KHDC1: variants seen among roughly 807,000 people sequenced by gnomAD.
KHDC1 encodes KH homology domain-containing protein 1.
In KHDC1, 21 loss-of-function variants were observed where a neutral mutation model predicts 24.7. The observed-to-expected ratio is 0.85, with a 90% CI of 0.60 to 1.23. The LOEUF is 1.23. Ranked by LOEUF, KHDC1 falls within the 50% of genes most tolerant of loss-of-function variation. The pLI is 0.00. For synonymous variants in KHDC1, 98 were observed against 111.7 expected, an observed-to-expected ratio of 0.88 and a Z score of 0.77; for missense variants, 274 against 298.5, an observed-to-expected ratio of 0.92 and a Z score of 0.61.
At chr6:73,290,334 G>A (rs551847634) in intron 2 of KHDC1, 1 of 228,280 alleles carries the variant, frequency 4.4e-6, no homozygotes, top group African/African-American at 2.3e-5. Context: ...CCAGAGAGGG[G>A]TCCATACAGT....
chr6:73,282,731 CT>C (rs1044029242), intron 2 of KHDC1, among the ~76,000 whole-genome samples: 14 of 152,142 alleles, frequency 9.2e-5, no homozygotes, highest in Non-Finnish European at 1.9e-4. Context: ...CTCATCTGAT[CT>C]TGTGGCCCCC....
At chr6:73,277,720 G>T (rs1173281175) in intron 2 of KHDC1, among the ~76,000 whole-genome samples, 1 of 151,958 alleles carries the variant, frequency 6.6e-6, no homozygotes, top group Non-Finnish European at 1.5e-5. Flanking sequence ...AGGCATGTTG[G>T]CATGTACCTA....
In KHDC1 at chr6:73,305,225, G is replaced by C. The variant is rs146988090; in HGVS notation, c.163+4327C>G. Among the ~76,000 whole-genome samples the C allele has an allele frequency of 2.6e-3, 390 of 151,988 alleles. 3 individuals carry two copies. Among genetic ancestry groups the C allele is most frequent in the African/African-American group, 8.8e-3 (366 of 41,470 alleles). On this transcript the variant is annotated intron_variant, in intron 1 of 4. Coordinates refer to ENST00000370384, the Ensembl canonical transcript of KHDC1. ...TGCACTCCAGCCTGCCTAAGTGACAGAGCAAGACTCCATCTCAAAAATATA... is the reference window on the plus strand; with the variant it reads ...TGCACTCCAGCCTGCCTAAGTGACACAGCAAGACTCCATCTCAAAAATATA...
rs866316225 is a variant in KHDC1 at position 73,271,364 on chromosome 6, C to T, written c.206+20634G>A. 1.7e-4 allele frequency among the ~76,000 whole-genome samples: 26 copies of T among 151,680 alleles called. No individual in the cohort carries two copies. The Middle Eastern group carries it at 0.01, about 60-fold the overall frequency. On this transcript the variant is annotated intron_variant, in intron 2 of 4. Transcript: ENST00000370384. ...AGCTGGGATTACAGGCACCCGTCAC[C>T]ACACCTGGCTAATTTTGTATTTTTA...
intron 1 of KHDC1, chr6:73,300,676 C>G (rs1317647212): frequency 6.6e-6 from 1 of 152,134 alleles, no homozygotes; most frequent in African/African-American, 2.4e-5. Context: ...ATTCACTCCC[C>G]CATGTGGCAT....
chr6:73,297,390 ATG>A (rs1181320936), intron 1 of KHDC1, among the ~76,000 whole-genome samples: 1 of 152,040 alleles, frequency 6.6e-6, no homozygotes, highest in Non-Finnish European at 1.5e-5. Flanking sequence ...TTATTTTTAA[ATG>A]TGTTTTTCTG....
chr6:73,281,371 G>A (rs948917715), intron 2 of KHDC1, among the ~76,000 whole-genome samples: 19 of 150,754 alleles, frequency 1.3e-4, no homozygotes, highest in Admixed American at 9.3e-4. Flanking sequence ...GGGTGCAGTG[G>A]GTCACACCTG....
At chr6:73,268,362 A>G (rs189057409) in intron 2 of KHDC1, 4 of 154,272 alleles carry the variant, frequency 2.6e-5, no homozygotes, top group Non-Finnish European at 5.7e-5. Flanking sequence ...GTTACAGCTC[A>G]TAAAAGCAGT....
chr6:73,307,976 T>A (rs1229072186), intron 1 of KHDC1, among the ~76,000 whole-genome samples: 2 of 151,996 alleles, frequency 1.3e-5, no homozygotes. Context: ...AATCCCTGCT[T>A]ACTGCAACCT....
intron 2 of KHDC1, among the ~76,000 whole-genome samples, chr6:73,289,625 G>A (rs138703340): frequency 0.044 from 6,718 of 151,604 alleles, 358 homozygotes; most frequent in African/African-American, 0.12. Context: ...ACTCCAGCCT[G>A]GGTGACAGAG....
intron 2 of KHDC1, among the ~76,000 whole-genome samples, chr6:73,255,370 C>T (rs1766862951): frequency 1.3e-5 from 2 of 150,982 alleles, no homozygotes; most frequent in Non-Finnish European, 1.5e-5. Flanking sequence ...TGGGGCACGC[C>T]ACCACGCCCA....
chr6:73,306,304 A>G (rs1767960855), intron 1 of KHDC1, among the ~76,000 whole-genome samples: 1 of 151,790 alleles, frequency 6.6e-6, no homozygotes, highest in Admixed American at 6.6e-5. Flanking sequence ...CTCCCACTGC[A>G]TCAACTCTGC....
intron 2 of KHDC1, among the ~76,000 whole-genome samples, chr6:73,267,867 G>A (rs1767101699): frequency 6.6e-6 from 1 of 150,708 alleles, no homozygotes. Flanking sequence ...ATGGAGTTTC[G>A]TTCTTGTTGC....
intron 1 of KHDC1, chr6:73,292,924 T>G: frequency 1.2e-6 from 1 of 827,332 alleles, no homozygotes; most frequent in Admixed American, 1.8e-5. Flanking sequence ...TGGTGGCTTG[T>G]CTTAAGGATT....
intron 1 of KHDC1, among the ~76,000 whole-genome samples, chr6:73,307,678 G>A (rs1323415826): frequency 2.6e-5 from 4 of 152,070 alleles, no homozygotes; most frequent in African/African-American, 9.7e-5. Flanking sequence ...TAAACGGAGT[G>A]CCCAGAGGCC....
At chr6:73,288,736 T>C (rs1767567773) in intron 2 of KHDC1, among the ~76,000 whole-genome samples, 2 of 145,446 alleles carry the variant, frequency 1.4e-5, no homozygotes, top group Admixed American at 1.4e-4. Flanking sequence ...TAGAAGGGTA[T>C]GATGGCATAT....
exon 5 of KHDC1, chr6:73,241,507 C>T: frequency 1.2e-6 from 2 of 1,609,572 alleles, no homozygotes; most frequent in Non-Finnish European, 1.7e-6. Flanking sequence ...ATCCCCACTT[C>T]CCAGGGGAGA....
At chr6:73,293,835 C>T (rs562851080) in intron 1 of KHDC1, among the ~76,000 whole-genome samples, 2 of 151,766 alleles carry the variant, frequency 1.3e-5, no homozygotes, top group African/African-American at 4.8e-5. Context: ...GGTGAAACCC[C>T]GTCTCTACAA....
rs528679745 is a variant in KHDC1 at position 73,273,676 on chromosome 6, C to T, written c.206+18322G>A. 5.9e-5 allele frequency among the ~76,000 whole-genome samples: 9 copies of T among 151,752 alleles called. No homozygotes were observed. In the East Asian group the frequency reaches 9.9e-4, roughly 17 times the overall value. On this transcript the variant is annotated intron_variant, in intron 2 of 4. Transcript: ENST00000370384. ...CTAAAAATACAAAAAATTAGCCGGG[C>T]GTGGTGGCAGGCGCCTGTAGTCCCA...
Sources: allele counts gnomAD v4.1 joint callset (sites outside exome capture counted in the v4.1 genomes callset), GRCh38; gene constraint gnomAD v4.1.1; transcripts MANE v1.5; gene names NCBI Gene and HGNC (gene_info 2026-07-23, HGNC 2026-07-21).